The following NPFFR2 variants were observed in gnomAD, a reference collection of about 807,000 sequenced individuals.
NPFFR2 encodes the protein neuropeptide FF receptor 2, also known as G-protein coupled receptor 74.
In NPFFR2, 15 loss-of-function variants were observed where a neutral mutation model predicts 13.1. That is an observed-to-expected ratio of 1.15 (90% CI 0.77 to 1.76). The LOEUF (loss-of-function observed/expected upper bound fraction) is 1.76, where lower values mean the gene tolerates loss of function less well. NPFFR2 is among the 40% of genes most tolerant of loss of function. NPFFR2 has a pLI of 0.00. For synonymous variants in NPFFR2, 190 were observed against 175.7 expected, an observed-to-expected ratio of 1.08 and a Z score of -0.65; for missense variants, 572 against 503.5, an observed-to-expected ratio of 1.14 and a Z score of -1.30.
chr4:72,131,362 C>T (rs957205051), intron 2 of NPFFR2, among the ~76,000 whole-genome samples: 6 of 146,064 alleles, frequency 4.1e-5, no homozygotes, highest in East Asian at 2.1e-4. Context: ...GGGTGTACAC[C>T]GCATATTCTC....
chr4:72,094,576 G>T (rs1412919043), intron 1 of NPFFR2, among the ~76,000 whole-genome samples: 1 of 152,150 alleles, frequency 6.6e-6, no homozygotes, highest in African/African-American at 2.4e-5. Flanking sequence ...TGCCTCTGCT[G>T]CCTCACACAG....
At chr4:72,068,074 A>G (rs1157085128) in intron 1 of NPFFR2, among the ~76,000 whole-genome samples, 2 of 152,148 alleles carry the variant, frequency 1.3e-5, no homozygotes, top group Non-Finnish European at 2.9e-5. Flanking sequence ...CCCAATTCCA[A>G]ATCTACTTCC....
At chr4:72,095,506 T>C (rs1721040045) in intron 1 of NPFFR2, among the ~76,000 whole-genome samples, 1 of 152,224 alleles carries the variant, frequency 6.6e-6, no homozygotes, top group Non-Finnish European at 1.5e-5. Context: ...CTAAACATTT[T>C]CTATAAGGAG....
chr4:72,109,455 T>C (rs773833902), intron 1 of NPFFR2, among the ~76,000 whole-genome samples: 1 of 152,038 alleles, frequency 6.6e-6, no homozygotes, highest in Non-Finnish European at 1.5e-5. Flanking sequence ...TGAGAAATAG[T>C]AGGATTTCCA....
intron 1 of NPFFR2, among the ~76,000 whole-genome samples, chr4:72,127,568 T>C (rs1362024560): frequency 2.5e-4 from 37 of 145,838 alleles, no homozygotes; most frequent in African/African-American, 7.8e-4. Flanking sequence ...TTTCACCGTG[T>C]TAGCCAGGAT....
At chr4:72,106,271 A>G (rs555772831) in intron 1 of NPFFR2, among the ~76,000 whole-genome samples, 1 of 152,138 alleles carries the variant, frequency 6.6e-6, no homozygotes, top group Admixed American at 6.6e-5. Context: ...AGCAGAGGGA[A>G]GGAGAGTTGG....
At chr4:72,043,248 C>T (rs754459142) in intron 1 of NPFFR2, among the ~76,000 whole-genome samples, 7 of 132,328 alleles carry the variant, frequency 5.3e-5, no homozygotes, top group Non-Finnish European at 8.2e-5. Flanking sequence ...CAGAGGTATG[C>T]TGCAGGGGCT....
At chr4:72,073,285 G>A (rs1720318285) in intron 1 of NPFFR2, among the ~76,000 whole-genome samples, 1 of 151,968 alleles carries the variant, frequency 6.6e-6, no homozygotes. Context: ...CATATTGCAT[G>A]CCTGTATCAA....
chr4:72,126,763 A>G (rs980894944), intron 1 of NPFFR2, among the ~76,000 whole-genome samples: 1 of 152,168 alleles, frequency 6.6e-6, no homozygotes, highest in African/African-American at 2.4e-5. Context: ...ACAATACTTT[A>G]CATGTGTTTT....
At chr4:72,070,563 G>GTGTGTGTGTGTGTGTGTGTGTGTGTGT (rs1470820064) in intron 1 of NPFFR2, among the ~76,000 whole-genome samples, 1 of 137,272 alleles carries the variant, frequency 7.3e-6, no homozygotes, top group Non-Finnish European at 1.5e-5. Context: ...GTGTGTGTGG[G>GTGTGTGTGTGTGTGTGTGTGTGTGTGT]GGGGGGGGGT....
intron 1 of NPFFR2, among the ~76,000 whole-genome samples, chr4:72,078,073 A>G (rs1470702120): frequency 6.6e-6 from 1 of 152,078 alleles, no homozygotes; most frequent in East Asian, 1.9e-4. Flanking sequence ...CTCTCTCATA[A>G]TCTATAATTG....
chr4:72,087,344 A>C (rs80235977), intron 1 of NPFFR2, among the ~76,000 whole-genome samples: 1 of 152,118 alleles, frequency 6.6e-6, no homozygotes, highest in Non-Finnish European at 1.5e-5. Context: ...AAATCCAAAC[A>C]CAACATATAA....
At chr4:72,080,361 CACCATGTTGGCCATGCTGG>C (rs1720579491) in intron 1 of NPFFR2, among the ~76,000 whole-genome samples, 1 of 152,026 alleles carries the variant, frequency 6.6e-6, no homozygotes, top group Non-Finnish European at 1.5e-5. Flanking sequence ...GACAGGGTTT[CACCATGTTGGCCATGCTGG>C]TCTCTAACTC....
In NPFFR2 at chr4:72,032,194, G is replaced by C. The variant is rs200084669; in HGVS notation, c.-14G>C. The stretch of plus-strand genomic sequence containing the variant: ...GTTCCTGCCGCCGACAGGGCTCGCC[G>C]GGAGAGGTAACAGCATGGGCCAGTT... On this transcript the variant is annotated 5_prime_UTR_variant, in exon 1 of 4. Transcript: ENST00000308744. 2 of 1,607,382 alleles carry C rather than the reference G, an allele frequency of 1.2e-6. No individual in the cohort carries two copies. Among genetic ancestry groups the C allele is most frequent in the Admixed American group, 3.4e-5 (2 of 59,648 alleles).
chr4:72,142,808 T>C (rs1722671704), intron 3 of NPFFR2, among the ~76,000 whole-genome samples: 1 of 152,186 alleles, frequency 6.6e-6, no homozygotes, highest in Non-Finnish European at 1.5e-5. Context: ...TTCACACATG[T>C]TGTTGAGCAT....
intron 1 of NPFFR2, among the ~76,000 whole-genome samples, chr4:72,114,278 C>T (rs1235160088): frequency 6.6e-6 from 1 of 152,082 alleles, no homozygotes; most frequent in African/African-American, 2.4e-5. Context: ...GAAGCCTCCC[C>T]TCATGCTTGT....
At chr4:72,053,839 C>T (rs1719662849) in intron 1 of NPFFR2, among the ~76,000 whole-genome samples, 1 of 151,768 alleles carries the variant, frequency 6.6e-6, no homozygotes, top group Non-Finnish European at 1.5e-5. Context: ...GACATCTTTG[C>T]CTATTCCTTA....
chr4:72,049,054 T>G (rs369039960), intron 1 of NPFFR2, among the ~76,000 whole-genome samples: 10 of 152,220 alleles, frequency 6.6e-5, no homozygotes, highest in African/African-American at 1.9e-4. Context: ...TCTCATTCCC[T>G]TATTTTTTGA....
At chr4:72,074,425 TACA>T (rs1720365673) in intron 1 of NPFFR2, among the ~76,000 whole-genome samples, 2 of 152,236 alleles carry the variant, frequency 1.3e-5, no homozygotes, top group East Asian at 3.9e-4. Flanking sequence ...TAATTTTTAT[TACA>T]GTAGATAGCT....
Sources: allele counts gnomAD v4.1 joint callset (sites outside exome capture counted in the v4.1 genomes callset), GRCh38; gene constraint gnomAD v4.1.1; transcripts MANE v1.5; gene names NCBI Gene and HGNC (gene_info 2026-07-23, HGNC 2026-07-21).